The following HIBADH variants were observed in gnomAD, a reference collection of about 807,000 sequenced individuals.
HIBADH encodes 3-hydroxyisobutyrate dehydrogenase, also known as 3-hydroxyisobutyrate dehydrogenase, mitochondrial.
HIBADH carries 25 observed loss-of-function variants against 36.1 expected under a neutral mutation model. The observed-to-expected ratio is 0.69, with a 90% CI of 0.50 to 0.97. HIBADH has a LOEUF of 0.97. Among genes scored for constraint, HIBADH ranks in the 50% least tolerant of loss-of-function variants. The pLI is 0.00. For missense variants in HIBADH, 421 were observed against 418.0 expected (o/e 1.01, Z -0.06); for synonymous variants, 160 against 149.5 (o/e 1.07, Z -0.51).
intron 2 of HIBADH, among the ~76,000 whole-genome samples, chr7:27,646,834 C>T (rs149545805): frequency 0.016 from 2,403 of 151,454 alleles, 39 homozygotes; most frequent in Non-Finnish European, 0.025. Flanking sequence ...TAGCTGAAAC[C>T]ACAGACACAC....
intron 4 of HIBADH, among the ~76,000 whole-genome samples, chr7:27,564,016 A>ACCCTCCC (rs1784504074): frequency 1.4e-5 from 2 of 147,990 alleles, no homozygotes; most frequent in African/African-American, 5.1e-5. Context: ...CTCCTGCCTC[A>ACCCTCCC]GCCTCCCAAG....
chr7:27,623,861 G>A (rs1350667434), intron 4 of HIBADH, among the ~76,000 whole-genome samples: 1 of 152,096 alleles, frequency 6.6e-6, no homozygotes, highest in Non-Finnish European at 1.5e-5. Context: ...GCAATGGTGC[G>A]ATCTCAGCTC....
Position 27,649,294 on chromosome 7 carries a change from C to T in HIBADH, c.252+179G>A, listed in dbSNP as rs57096912. 1.3e-3 allele frequency: 608 copies of T among 479,920 alleles called. 5 individuals are homozygous for T. The East Asian group carries it at 0.02, about 16-fold the overall frequency. 29.7% of individuals were successfully genotyped at this position (479,920 alleles called of 1,614,324 possible). A position where few individuals can be genotyped will look rare whatever the true frequency, so the allele number is the denominator to read the frequency against. ...AGAATAGATACCCCTGAATGTCTAA[C>T]GAGAACTCTCCTTTACTGCAAATCT... On this transcript the variant is annotated intron_variant, in intron 2 of 7. Coordinates refer to ENST00000265395, the MANE Select transcript of HIBADH (RefSeq NM_152740.4).
At chr7:27,539,328 AG>A (rs934455095) in intron 5 of HIBADH, among the ~76,000 whole-genome samples, 1 of 152,164 alleles carries the variant, frequency 6.6e-6, no homozygotes, top group African/African-American at 2.4e-5. Flanking sequence ...CAACAATGAG[AG>A]TAACTTGAAG....
intron 7 of HIBADH, among the ~76,000 whole-genome samples, chr7:27,528,374 C>T (rs1386363926): frequency 6.6e-6 from 1 of 152,094 alleles, no homozygotes; most frequent in African/African-American, 2.4e-5. Flanking sequence ...AAAATCAAGA[C>T]AGGCTGAAAG....
At chr7:27,647,281 G>C (rs1438785783) in intron 2 of HIBADH, among the ~76,000 whole-genome samples, 2 of 152,164 alleles carry the variant, frequency 1.3e-5, no homozygotes, top group East Asian at 3.9e-4. Context: ...TTGGGACAGA[G>C]CTGGACAGCA....
In HIBADH at chr7:27,612,369, A is replaced by G. The variant is rs560522178; in HGVS notation, c.484+17002T>C. On this transcript the variant is annotated intron_variant, in intron 4 of 7. Coordinates refer to ENST00000265395, the MANE Select transcript of HIBADH (RefSeq NM_152740.4). ...GAGAAAAGTCTTGCTCTTGTCCCCC[A>G]GGCTTGAGTGCAATGGCTCGATGTC... is the stretch of plus-strand genomic sequence containing the variant. Among the ~76,000 whole-genome samples the G allele has an allele frequency of 2.3e-3, 332 of 145,288 alleles. 2 individuals carry two copies. Among genetic ancestry groups the G allele is most frequent in the African/African-American group, 8.1e-3 (314 of 38,826 alleles).
At chr7:27,643,697 T>A (rs62454909) in intron 2 of HIBADH, among the ~76,000 whole-genome samples, 15,958 of 152,198 alleles carry the variant, frequency 0.1, 995 homozygotes, top group Non-Finnish European at 0.14. Flanking sequence ...CAACAGAAAT[T>A]TACTCTCTCA....
chr7:27,607,811 T>C (rs1029448859), intron 4 of HIBADH, among the ~76,000 whole-genome samples: 5 of 151,972 alleles, frequency 3.3e-5, no homozygotes, highest in African/African-American at 4.8e-5. Flanking sequence ...CATAGAAAAA[T>C]ACTTTTCTTC....
At chr7:27,582,735 T>C (rs888976502) in intron 4 of HIBADH, among the ~76,000 whole-genome samples, 1 of 152,178 alleles carries the variant, frequency 6.6e-6, no homozygotes. Flanking sequence ...CTGGGCGAGC[T>C]GCTCTTTGTG....
chr7:27,570,740 C>T (rs1244390362), intron 4 of HIBADH, among the ~76,000 whole-genome samples: 1 of 152,118 alleles, frequency 6.6e-6, no homozygotes, highest in Non-Finnish European at 1.5e-5. Context: ...AGTATGGTAT[C>T]AGTCTGTATT....
Position 27,526,114 on chromosome 7 carries a change from A to T in HIBADH, c.*100T>A. ...GTGACCTAGACAATCAAAAGCAGATAGGTGACCTTTGATTAAATCCATTTA... is the reference window on the plus strand; with the variant it reads ...GTGACCTAGACAATCAAAAGCAGATTGGTGACCTTTGATTAAATCCATTTA... On this transcript the variant is annotated 3_prime_UTR_variant, in exon 8 of 8. Transcript: ENST00000265395. The T allele has an allele frequency of 1.0e-6, 1 of 954,738 alleles. No individual in the cohort carries two copies. Among genetic ancestry groups the T allele is most frequent in the Non-Finnish European group, 1.5e-6 (1 of 679,760 alleles). The allele number at this position is 954,738 out of a possible 1,614,324, so 59.1% of individuals were successfully genotyped here. A position where few individuals can be genotyped will look rare whatever the true frequency, so the allele number is the denominator to read the frequency against.
chr7:27,536,668 A>C (rs1288548545), intron 6 of HIBADH, among the ~76,000 whole-genome samples: 3 of 152,104 alleles, frequency 2.0e-5, no homozygotes, highest in Non-Finnish European at 4.4e-5. Flanking sequence ...TTTGCAGTAG[A>C]ACTTCCACAA....
At chr7:27,625,789 A>G (rs1386558469) in intron 4 of HIBADH, among the ~76,000 whole-genome samples, 1 of 152,102 alleles carries the variant, frequency 6.6e-6, no homozygotes, top group Non-Finnish European at 1.5e-5. Context: ...ATATAGCGTG[A>G]TGTGGGCTCT....
In HIBADH at chr7:27,543,020, G is replaced by T; in HGVS notation, c.565C>A (p.Leu189Met). The T allele has an allele frequency of 6.2e-7, 1 of 1,613,762 alleles. No homozygotes were observed. The change falls in exon 5 of 8, where the codon CTG becomes ATG. Residue 189 changes from leucine (L) to methionine (M), a missense_variant. Coordinates refer to ENST00000265395, the MANE Select transcript of HIBADH (RefSeq NM_152740.4). ...ACCACGTTGGAGCCCATGCACCCCA[G>T]CAACTCTTGGGCAGCAGCAAATTCA... ...EDEFAAAQEL[L>M]GCMGSNVVYC...
At chr7:27,637,672 C>T (rs988163626) in intron 2 of HIBADH, among the ~76,000 whole-genome samples, 14 of 152,158 alleles carry the variant, frequency 9.2e-5, no homozygotes, top group East Asian at 1.9e-4. Flanking sequence ...GCAGACATGA[C>T]GCTGTATCTA....
chr7:27,548,070 C>A (rs1784260450), intron 4 of HIBADH, among the ~76,000 whole-genome samples: 1 of 151,836 alleles, frequency 6.6e-6, no homozygotes, highest in South Asian at 2.1e-4. Context: ...AGCTGACTAC[C>A]CTGATTTTAA....
intron 4 of HIBADH, among the ~76,000 whole-genome samples, chr7:27,594,175 C>T (rs1266238980): frequency 3.6e-5 from 5 of 137,492 alleles, no homozygotes; most frequent in Admixed American, 7.6e-5. Context: ...AACAGAGTTT[C>T]GCTCGTTGCC....
At chr7:27,563,892 T>C (rs1784501875) in intron 4 of HIBADH, among the ~76,000 whole-genome samples, 1 of 135,072 alleles carries the variant, frequency 7.4e-6, no homozygotes, top group South Asian at 2.4e-4. Context: ...GAGAAGTTTG[T>C]TAATTTTCTT....
Sources: allele counts gnomAD v4.1 joint callset (sites outside exome capture counted in the v4.1 genomes callset), GRCh38; gene constraint gnomAD v4.1.1; transcripts MANE v1.5; gene names NCBI Gene and HGNC (gene_info 2026-07-23, HGNC 2026-07-21).